TENM2: variants seen among roughly 807,000 people sequenced by gnomAD.
TENM2 encodes the protein teneurin-2.
A neutral mutation model predicts 245.2 loss-of-function variants in TENM2; 52 were observed. That is an observed-to-expected ratio of 0.21 (90% CI 0.17 to 0.27). TENM2 has a LOEUF of 0.27. Among genes scored for constraint, TENM2 ranks in the 10% least tolerant of loss-of-function variants. The pLI is 1.00. For synonymous variants in TENM2, 1,363 were observed against 1,438.9 expected (o/e 0.95, Z 1.19); for missense variants, 3,046 against 3,666.8 (o/e 0.83, Z 4.37).
At chr5:167,529,265 C>T (rs182546693) in intron 2 of TENM2, among the ~76,000 whole-genome samples, 1 of 152,242 alleles carries the variant, frequency 6.6e-6, no homozygotes, top group African/African-American at 2.4e-5. Context: ...ATTGCAGCCC[C>T]TCTTTCCATC....
At chr5:167,316,842 C>T (rs1756392547) in intron 1 of TENM2, among the ~76,000 whole-genome samples, 1 of 152,112 alleles carries the variant, frequency 6.6e-6, no homozygotes. Context: ...GAATCTGGTA[C>T]TCATATTGCA....
chr5:167,187,009 C>T, the TENM2 span, among the ~76,000 whole-genome samples: 1 of 152,210 alleles, frequency 6.6e-6, no homozygotes, highest in African/African-American at 2.4e-5. Flanking sequence ...CTTCTCCTCT[C>T]CACCCGCCAT....
At chr5:167,133,544 TATTA>T in the TENM2 span, among the ~76,000 whole-genome samples, 1 of 150,492 alleles carries the variant, frequency 6.6e-6, no homozygotes. Flanking sequence ...TGCTGACAGG[TATTA>T]ATTATAGAGA....
intron 7 of TENM2, among the ~76,000 whole-genome samples, chr5:168,072,762 C>T (rs1321150482): frequency 6.6e-6 from 1 of 152,126 alleles, no homozygotes; most frequent in Admixed American, 6.5e-5. Flanking sequence ...AGATAATGCC[C>T]AGGAAATGGT....
At chr5:167,808,552 G>T (rs1203768650) in intron 2 of TENM2, among the ~76,000 whole-genome samples, 1 of 152,158 alleles carries the variant, frequency 6.6e-6, no homozygotes, top group Non-Finnish European at 1.5e-5. Flanking sequence ...AAGCCACCTT[G>T]CCATGCCTGG....
Position 167,331,920 on chromosome 5 carries a change from G to A in TENM2, c.227-43278G>A, listed in dbSNP as rs923472122. On this transcript the variant is annotated intron_variant, in intron 1 of 28. Coordinates refer to ENST00000518659, the Ensembl canonical transcript of TENM2. ...ACCTGGCATTAAATACTGTATTTAC[G>A]AAAATGCAGTAAAAAAATCAAGATA... Among the ~76,000 whole-genome samples the A allele has an allele frequency of 1.3e-4, 19 of 151,956 alleles. No homozygotes were observed. In the East Asian group the frequency reaches 1.3e-3, roughly 11 times the overall value.
chr5:167,840,819 G>T (rs1179491303), intron 2 of TENM2, among the ~76,000 whole-genome samples: 1 of 152,158 alleles, frequency 6.6e-6, no homozygotes, highest in Non-Finnish European at 1.5e-5. Context: ...ACAATGTGTG[G>T]TCTATAATAA....
At chr5:168,139,259 G>A (rs771649495) in intron 12 of TENM2, among the ~76,000 whole-genome samples, 11 of 152,098 alleles carry the variant, frequency 7.2e-5, no homozygotes, top group South Asian at 2.1e-4. Flanking sequence ...AAATGAAGGT[G>A]GCAACTCATT....
chr5:168,059,396 G>A (rs551520041), intron 6 of TENM2, among the ~76,000 whole-genome samples: 9 of 152,158 alleles, frequency 5.9e-5, no homozygotes, highest in East Asian at 3.9e-4. Context: ...CAGCAATGCC[G>A]GAAAGCCCAA....
At position 168,247,773 on chromosome 5, in the gene TENM2, C is replaced by G. The variant is rs532202368; in HGVS notation, c.6834C>G (p.Phe2278Leu). Residue 2278 changes from phenylalanine (F) to leucine (L), a missense_variant, in exon 27 of 29, where the codon TTC becomes TTG. By Grantham distance (22) the Phe-to-Leu change is conservative. Around this residue, in one of 2 missense-constraint regions of TENM2, gnomAD observed 2,704 missense variants for 3,331.9 expected, o/e 0.81. Transcript: ENST00000518659. This position sits in a 1 kb window ranked among gnomAD's most constrained non-coding sequence, Gnocchi z 7.8. ...TGTGCCAGAGAGGGTCTGACATCTT[C>G]GAATACAATTCCAAGGGCCTCCTAA... The G allele has an allele frequency of 6.2e-7, 1 of 1,613,808 alleles. No homozygotes were observed. Among genetic ancestry groups the G allele is most frequent in the African/African-American group, 1.3e-5 (1 of 74,914 alleles).
At chr5:168,115,526 A>G (rs1795020706) in intron 9 of TENM2, among the ~76,000 whole-genome samples, 1 of 152,158 alleles carries the variant, frequency 6.6e-6, no homozygotes. Flanking sequence ...TTTGGGAGGA[A>G]GGAGGATGTA....
At chr5:167,262,401 G>C in the TENM2 span, among the ~76,000 whole-genome samples, 2,916 of 119,210 alleles carry the variant, frequency 0.024, 46 homozygotes, top group Non-Finnish European at 0.036. Flanking sequence ...TTTTTTTTTG[G>C]GGGGGCGGTG....
intron 1 of TENM2, among the ~76,000 whole-genome samples, chr5:167,305,169 T>G (rs1755597254): frequency 6.6e-6 from 1 of 152,122 alleles, no homozygotes; most frequent in African/African-American, 2.4e-5. Context: ...GAAGGCAAGG[T>G]TTTTCGTTCA....
At chr5:168,060,981 G>A (rs188540053) in intron 6 of TENM2, among the ~76,000 whole-genome samples, 1 of 152,186 alleles carries the variant, frequency 6.6e-6, no homozygotes, top group African/African-American at 2.4e-5. Context: ...GAATGTCGAG[G>A]GGAGCATCCT....
At chr5:167,963,823 AT>A (rs1322014925) in intron 4 of TENM2, among the ~76,000 whole-genome samples, 1 of 152,116 alleles carries the variant, frequency 6.6e-6, no homozygotes, top group Non-Finnish European at 1.5e-5. Context: ...GGAGGGGCTG[AT>A]TAAGGAGGCA....
At chr5:168,134,643 C>T (rs561305260) in intron 12 of TENM2, among the ~76,000 whole-genome samples, 4 of 152,114 alleles carry the variant, frequency 2.6e-5, no homozygotes, top group Non-Finnish European at 5.9e-5. Context: ...GCCGAGATTG[C>T]GCCATTGCAC....
chr5:167,129,822 A>G, the TENM2 span, among the ~76,000 whole-genome samples: 1 of 152,166 alleles, frequency 6.6e-6, no homozygotes, highest in African/African-American at 2.4e-5. Context: ...GTAAGAAAAA[A>G]ATGACCACTC....
At chr5:167,556,436 A>ATG (rs1554179804) in intron 2 of TENM2, among the ~76,000 whole-genome samples, 1 of 149,980 alleles carries the variant, frequency 6.7e-6, no homozygotes, top group Non-Finnish European at 1.5e-5. Flanking sequence ...ATATATATAT[A>ATG]TATGTATCTG....
chr5:167,565,707 G>A (rs1020925063), intron 2 of TENM2, among the ~76,000 whole-genome samples: 3 of 152,074 alleles, frequency 2.0e-5, no homozygotes, highest in South Asian at 2.1e-4. Flanking sequence ...GGTAGACAGC[G>A]GTGAAGTAAT....
Sources: allele counts gnomAD v4.1 joint callset (sites outside exome capture counted in the v4.1 genomes callset), GRCh38; gene constraint gnomAD v4.1.1; regional missense constraint gnomAD v4.1.1; non-coding constraint Gnocchi (gnomAD v3.1); transcripts MANE v1.5; gene names NCBI Gene and HGNC (gene_info 2026-07-23, HGNC 2026-07-21).